The following CCDC14 variants were observed in gnomAD, a reference collection of about 807,000 sequenced individuals.
CCDC14 encodes the protein coiled-coil domain containing 14, also known as coiled-coil domain-containing protein 14.
Under a neutral mutation model 81.4 loss-of-function variants are expected in CCDC14, and 71 were observed. That is an observed-to-expected ratio of 0.87 (90% confidence interval 0.72 to 1.06). CCDC14 has a LOEUF of 1.06. Ranked by LOEUF, CCDC14 falls within the 50% of genes least tolerant of loss-of-function variation. The probability of loss-of-function intolerance (pLI) is 0.00; values close to 1 mark genes in which losing one functional copy is unlikely to be tolerated. For synonymous variants in CCDC14, 332 were observed against 364.8 expected (o/e 0.91, Z 1.03); for missense variants, 1,046 against 1,047.3 (o/e 1.00, Z 0.02).
chr3:123,938,335 T>C (rs1447743384), intron 9 of CCDC14, among the ~76,000 whole-genome samples: 3 of 151,968 alleles, frequency 2.0e-5, no homozygotes, highest in Non-Finnish European at 2.9e-5. Context: ...GGGTCTTACA[T>C]ATTTTTCAAA....
intron 12 of CCDC14, among the ~76,000 whole-genome samples, chr3:123,922,697 G>A (rs889090739): frequency 6.6e-6 from 1 of 151,994 alleles, no homozygotes; most frequent in East Asian, 1.9e-4. Context: ...TAATGAGTAA[G>A]GATATTAAGT....
chr3:123,961,139 C>G lies in CCDC14; in HGVS notation c.30+5G>C. 5.8e-6 allele frequency: 9 copies of G among 1,551,266 alleles called. No individual in the cohort carries two copies. The highest frequency in any genetic ancestry group is 7.8e-6 in the Non-Finnish European group (9 of 1,146,830). Reference sequence around the variant, plus strand: ...CAGCGGACTCCTCAGGTCCTCAGCCCTCACCTGGCCCGGTCGAGCTCCAGA... The same window carrying G: ...CAGCGGACTCCTCAGGTCCTCAGCCGTCACCTGGCCCGGTCGAGCTCCAGA... On this transcript the variant is annotated splice_donor_5th_base_variant and intron_variant, in intron 1 of 12. Transcript: ENST00000409697.
At chr3:123,904,807 G>A (rs2034269349) in intron 5 of CCDC14, among the ~76,000 whole-genome samples, 1 of 151,982 alleles carries the variant, frequency 6.6e-6, no homozygotes, top group South Asian at 2.1e-4. Context: ...TAAATTCTAC[G>A]CAATTCTAAT....
chr3:123,895,363 T>C (rs2034044564), downstream of CCDC14, among the ~76,000 whole-genome samples: 1 of 152,206 alleles, frequency 6.6e-6, no homozygotes, highest in Non-Finnish European at 1.5e-5. Context: ...CAGTAAGATG[T>C]CACAATTTAT....
intron 1 of CCDC14, among the ~76,000 whole-genome samples, chr3:123,959,315 T>G (rs35050482): frequency 0.48 from 72,305 of 152,060 alleles, 19,283 homozygotes; most frequent in Non-Finnish European, 0.63. Context: ...TTCATTTTTT[T>G]AATGTCATCC....
intron 9 of CCDC14, among the ~76,000 whole-genome samples, chr3:123,940,210 G>A (rs976228937): frequency 2.0e-5 from 3 of 151,600 alleles, no homozygotes; most frequent in African/African-American, 7.3e-5. Context: ...AAGTTCTAGT[G>A]GACTACAATA....
chr3:123,885,714 T>A, the CCDC14 span, among the ~76,000 whole-genome samples: 20,908 of 152,112 alleles, frequency 0.14, 2,488 homozygotes, highest in East Asian at 0.36. Flanking sequence ...TGTTCTTTTC[T>A]TCAAGAGGTA....
chr3:123,914,632 T>C lies in CCDC14; in HGVS notation c.*147A>G. On this transcript the variant is annotated 3_prime_UTR_variant, in exon 13 of 13. Coordinates refer to ENST00000409697, the MANE Select transcript of CCDC14 (RefSeq NM_001366335.1). Reference sequence around the variant, plus strand: ...GTTTTTATAAGCTCCTCAGTGTCAATATATCTCAACAATACATTTATTACT... The same window carrying C: ...GTTTTTATAAGCTCCTCAGTGTCAACATATCTCAACAATACATTTATTACT... 7.4e-7 allele frequency: 1 copy of C among 1,349,140 alleles called. No homozygotes were observed. Among genetic ancestry groups the C allele is most frequent in the East Asian group, 2.8e-5 (1 of 36,182 alleles). 83.6% of individuals were successfully genotyped at this position (1,349,140 alleles called of 1,614,324 possible).
intron 12 of CCDC14, among the ~76,000 whole-genome samples, chr3:123,924,926 T>TAC (rs1412462959): frequency 5.5e-5 from 8 of 145,710 alleles, no homozygotes; most frequent in Non-Finnish European, 7.4e-5. Flanking sequence ...TATATATATA[T>TAC]ACACACACAT....
downstream of CCDC14, among the ~76,000 whole-genome samples, chr3:123,912,836 TC>T (rs1321445061): frequency 1.3e-5 from 2 of 152,154 alleles, no homozygotes; most frequent in Non-Finnish European, 2.9e-5. Context: ...CTGACCCAAA[TC>T]TTCTAATTGT....
chr3:123,889,769 G>T, the CCDC14 span, among the ~76,000 whole-genome samples: 21 of 152,160 alleles, frequency 1.4e-4, no homozygotes, highest in Non-Finnish European at 2.8e-4. Flanking sequence ...GACTCTGTGT[G>T]GGGGCTCCAA....
downstream of CCDC14, among the ~76,000 whole-genome samples, chr3:123,912,982 T>A (rs3732484): frequency 5.3e-5 from 8 of 152,258 alleles, no homozygotes; most frequent in East Asian, 1.5e-3. Flanking sequence ...GGGGGAAACA[T>A]TTAAGGCTGT....
At chr3:123,952,688 G>A in intron 5 of CCDC14, 2 of 481,596 alleles carry the variant, frequency 4.2e-6, no homozygotes, top group South Asian at 1.5e-5. Context: ...CCAGAAGACA[G>A]TTAACACAAA....
intron 9 of CCDC14, among the ~76,000 whole-genome samples, chr3:123,940,575 T>C (rs558726478): frequency 6.6e-6 from 1 of 152,130 alleles, no homozygotes; most frequent in South Asian, 2.1e-4. Flanking sequence ...ACTCTCCTAA[T>C]TTTAATCTTC....
chr3:123,960,069 C>G lies in CCDC14; in HGVS notation c.30+1075G>C, dbSNP rs1036147678. On this transcript the variant is annotated intron_variant, in intron 1 of 12. Coordinates refer to ENST00000409697, the MANE Select transcript of CCDC14 (RefSeq NM_001366335.1). ...ATTAGCAATTTAATAACCCTTGATACAAACTGCAAAGCTGCTCTCCAAAAG... is the reference window on the plus strand; with the variant it reads ...ATTAGCAATTTAATAACCCTTGATAGAAACTGCAAAGCTGCTCTCCAAAAG... Among the ~76,000 whole-genome samples, 20 of 152,144 alleles carry G rather than the reference C, an allele frequency of 1.3e-4. 1 individual carries two copies. Among genetic ancestry groups the G allele is most frequent in the African/African-American group, 4.8e-4 (20 of 41,420 alleles).
At chr3:123,947,842 T>C (rs565832420) in intron 7 of CCDC14, among the ~76,000 whole-genome samples, 9 of 151,948 alleles carry the variant, frequency 5.9e-5, no homozygotes, top group Non-Finnish European at 1.0e-4. Flanking sequence ...ATATTAATTA[T>C]AAGAAACTCA....
intron 5 of CCDC14, chr3:123,954,021 G>C (rs556823026): frequency 6.6e-6 from 1 of 152,084 alleles, no homozygotes; most frequent in Non-Finnish European, 1.5e-5. Context: ...AACTCTGACC[G>C]ACAGAGGCAG....
Position 123,915,733 on chromosome 3 carries a change from C to A in CCDC14, c.1779-15G>T. 6.5e-7 allele frequency: 1 copy of A among 1,532,352 alleles called. No homozygotes were observed. The allele number at this position is 1,532,352 out of a possible 1,614,324, so 94.9% of individuals were successfully genotyped here. A position where few individuals can be genotyped will look rare whatever the true frequency, so the allele number is the denominator to read the frequency against. ...TCTGTAAAGTTCTGTTAAGAAGAATCCAGAACACTAATTATTATTTTTTAC... is the reference window on the plus strand; with the variant it reads ...TCTGTAAAGTTCTGTTAAGAAGAATACAGAACACTAATTATTATTTTTTAC... On this transcript the variant is annotated splice_polypyrimidine_tract_variant and intron_variant, in intron 12 of 12. Transcript: ENST00000409697.
chr3:123,929,848 A>G (rs2035598998), intron 12 of CCDC14, among the ~76,000 whole-genome samples: 1 of 152,202 alleles, frequency 6.6e-6, no homozygotes, highest in Non-Finnish European at 1.5e-5. Flanking sequence ...TATAAATGGA[A>G]TCACACCATA....
Sources: allele counts gnomAD v4.1 joint callset (sites outside exome capture counted in the v4.1 genomes callset), GRCh38; gene constraint gnomAD v4.1.1; transcripts MANE v1.5; gene names NCBI Gene and HGNC (gene_info 2026-07-23, HGNC 2026-07-21).